Variants in RAB43 observed in about 807,000 individuals in gnomAD.
RAB43 encodes ras-related protein Rab-43.
RAB43 carries 6 observed loss-of-function variants against 18.8 expected under a neutral mutation model. That is an observed-to-expected ratio of 0.32 (90% confidence interval 0.17 to 0.63). The LOEUF is 0.63. RAB43 is among the 30% of genes least tolerant of loss of function. RAB43 has a pLI of 0.79. For missense variants in RAB43, 195 were observed against 289.1 expected, an observed-to-expected ratio of 0.67 and a Z score of 2.36; for synonymous variants, 103 against 124.1, an observed-to-expected ratio of 0.83 and a Z score of 1.13.
At position 129,095,563 on chromosome 3, in the gene RAB43, G is replaced by A. The variant is rs1320667438; in HGVS notation, c.205-394C>T. On this transcript the variant is annotated intron_variant, in intron 1 of 2. Coordinates refer to ENST00000315150, the MANE Select transcript of RAB43 (RefSeq NM_198490.3). The surrounding 1 kb of genome is among the most constrained non-coding windows in gnomAD (Gnocchi z 4.2). The stretch of plus-strand genomic sequence containing the variant: ...CACTGCACGGCCAGCAGTAGGCACG[G>A]CCAGGTACCCTCCCCTACAAGAGCA... Among the ~76,000 whole-genome samples, 1 of 152,212 alleles carries A rather than the reference G, an allele frequency of 6.6e-6. No individual in the cohort carries two copies. Among genetic ancestry groups the A allele is most frequent in the Non-Finnish European group, 1.5e-5 (1 of 68,018 alleles).
chr3:129,092,955 C>CAA (rs745819526), intron 2 of RAB43, among the ~76,000 whole-genome samples: 1 of 116,694 alleles, frequency 8.6e-6, no homozygotes. Context: ...GACTCTGTCT[C>CAA]AAAAAAAAAA....
At chr3:129,116,770 G>C (rs1935559163) in intron 1 of RAB43, among the ~76,000 whole-genome samples, 1 of 152,138 alleles carries the variant, frequency 6.6e-6, no homozygotes, top group Admixed American at 6.5e-5. Context: ...TGAATAGAGG[G>C]GTACAGTTCC....
chr3:129,102,498 C>T (rs4927932), intron 1 of RAB43, among the ~76,000 whole-genome samples: 133,406 of 151,660 alleles, frequency 0.88, 59,796 homozygotes, highest in Non-Finnish European at 0.97. Context: ...GGCGTGGTGG[C>T]GGTCGCCTGT....
intron 1 of RAB43, among the ~76,000 whole-genome samples, chr3:129,109,373 A>G (rs1409362729): frequency 2.0e-4 from 30 of 150,030 alleles, no homozygotes; most frequent in African/African-American, 7.4e-4. Flanking sequence ...TTGCGCCACT[A>G]CACTCCAGCC....
intron 1 of RAB43, 91 bp downstream of exon 1, chr3:129,121,195 C>T: frequency 8.5e-7 from 1 of 1,174,930 alleles, no homozygotes; most frequent in Non-Finnish European, 1.2e-6. Flanking sequence ...TTCAGATGGA[C>T]GCGGGGTGCG....
chr3:129,102,402 G>A (rs572065998), intron 1 of RAB43, among the ~76,000 whole-genome samples: 6 of 152,148 alleles, frequency 3.9e-5, no homozygotes, highest in Middle Eastern at 6.8e-3. Context: ...AGGCCGAGGC[G>A]GGCAGATCAC....
At chr3:129,105,715 G>A (rs374422923) in intron 1 of RAB43, among the ~76,000 whole-genome samples, 2 of 151,640 alleles carry the variant, frequency 1.3e-5, no homozygotes, top group African/African-American at 4.9e-5. Context: ...GGGAGGTGGA[G>A]GTTGCAGTGA....
intron 1 of RAB43, among the ~76,000 whole-genome samples, chr3:129,113,908 T>C (rs1161847823): frequency 6.6e-6 from 1 of 152,130 alleles, no homozygotes; most frequent in Non-Finnish European, 1.5e-5. Flanking sequence ...GTGCCTGTAG[T>C]CCCAGCTACT....
intron 1 of RAB43, among the ~76,000 whole-genome samples, chr3:129,118,385 A>G (rs1935686127): frequency 6.6e-6 from 1 of 152,146 alleles, no homozygotes; most frequent in Admixed American, 6.6e-5. Flanking sequence ...TTAGCAGGAG[A>G]ATTCTTTAGT....
chr3:129,091,922 T>A (rs1260734154), intron 2 of RAB43, among the ~76,000 whole-genome samples: 2 of 151,790 alleles, frequency 1.3e-5, no homozygotes, highest in Non-Finnish European at 2.9e-5. Flanking sequence ...ATACAAAAAA[T>A]TAGCTAGGCG....
chr3:129,094,660 G>A (rs1453312767), intron 2 of RAB43, among the ~76,000 whole-genome samples: 2 of 151,292 alleles, frequency 1.3e-5, no homozygotes, highest in Admixed American at 1.3e-4. Context: ...GACTACAGGC[G>A]CCTGCCACCA....
In RAB43 at chr3:129,091,765, CAA is replaced by C. The variant is rs199961275; in HGVS notation, c.389-421_389-420del. On this transcript the variant is annotated intron_variant, in intron 2 of 2. Transcript: ENST00000315150. ...TTTTGTAATGTGGTTATAAGGAAGA[CAA>C]AAAAAAAAAGAGTCTGGGCCAAGCG... Among the ~76,000 whole-genome samples, 72 of 140,266 alleles carry C rather than the reference CAA, an allele frequency of 5.1e-4. 1 individual carries two copies. The highest frequency in any genetic ancestry group is 1.8e-3 in the African/African-American group (71 of 38,480). The allele number at this position is 140,266 out of a possible 152,430, so 92.0% of individuals were successfully genotyped here.
chr3:129,121,174 C>A, intron 1 of RAB43, 112 bp downstream of exon 1: 1 of 1,022,312 alleles, frequency 9.8e-7, no homozygotes, highest in Non-Finnish European at 1.4e-6. Context: ...AAAGGGGAAG[C>A]CAAAGGAAAC....
At chr3:129,104,374 C>A (rs1454261874) in intron 1 of RAB43, among the ~76,000 whole-genome samples, 1 of 152,208 alleles carries the variant, frequency 6.6e-6, no homozygotes, top group Non-Finnish European at 1.5e-5. Flanking sequence ...AGCCCTCTCA[C>A]CTAGCATATC....
intron 1 of RAB43, among the ~76,000 whole-genome samples, chr3:129,120,967 G>A (rs555854104): frequency 3.4e-4 from 52 of 152,186 alleles, no homozygotes; most frequent in Non-Finnish European, 5.7e-4. Context: ...GAACAGGGGA[G>A]TCTAACCCCC....
chr3:129,105,194 A>G (rs920088076), intron 1 of RAB43, among the ~76,000 whole-genome samples: 3 of 152,210 alleles, frequency 2.0e-5, no homozygotes, highest in African/African-American at 7.2e-5. Flanking sequence ...CAAACAAAAC[A>G]GGCTTTAGGC....
intron 1 of RAB43, among the ~76,000 whole-genome samples, chr3:129,106,680 T>G (rs968913581): frequency 6.6e-6 from 1 of 152,138 alleles, no homozygotes; most frequent in Non-Finnish European, 1.5e-5. Context: ...CAGAGCAGAC[T>G]GCAATGCATG....
intron 1 of RAB43, among the ~76,000 whole-genome samples, chr3:129,096,038 C>T (rs1471316570): frequency 1.3e-5 from 2 of 152,216 alleles, no homozygotes; most frequent in African/African-American, 4.8e-5. Flanking sequence ...CTTCTCTGCC[C>T]CACCAATCAC....
At chr3:129,116,325 G>C (rs1935524367) in intron 1 of RAB43, among the ~76,000 whole-genome samples, 1 of 152,168 alleles carries the variant, frequency 6.6e-6, no homozygotes, top group African/African-American at 2.4e-5. Flanking sequence ...AACCTCGAGA[G>C]GCAAGGTTTA....
Sources: gnomAD v4.1 joint callset for allele counts (sites outside exome capture counted in the v4.1 genomes callset) on GRCh38, gnomAD v4.1.1 for gene constraint, Gnocchi (gnomAD v3.1) non-coding constraint, MANE v1.5 for transcripts, NCBI Gene and HGNC (gene_info 2026-07-23, HGNC 2026-07-21) for gene names.